The following B3GALT1 variants were observed in gnomAD, a reference collection of about 807,000 sequenced individuals.
The protein encoded by B3GALT1 is UDP-Gal:betaGlcNAc beta 1,3-galactosyltransferase, polypeptide 1.
A neutral mutation model predicts 23.2 loss-of-function variants in B3GALT1; 10 were observed. That is an observed-to-expected ratio of 0.43 (90% CI 0.27 to 0.73). B3GALT1 has a LOEUF of 0.73. Among genes scored for constraint, B3GALT1 ranks in the 30% least tolerant of loss-of-function variants. B3GALT1 has a pLI of 0.21. For synonymous variants in B3GALT1, 156 were observed against 141.5 expected, an observed-to-expected ratio of 1.10 and a Z score of -0.73; for missense variants, 299 against 405.4, an observed-to-expected ratio of 0.74 and a Z score of 2.25.
chr2:167,601,216 C>A (rs146030365), intron 2 of B3GALT1, among the ~76,000 whole-genome samples: 1 of 152,164 alleles, frequency 6.6e-6, no homozygotes, highest in East Asian at 1.9e-4. Flanking sequence ...CGTGCCACCA[C>A]GCCCAGCTAA....
chr2:167,343,463 G>A (rs1234630539), intron 1 of B3GALT1, among the ~76,000 whole-genome samples: 2 of 152,094 alleles, frequency 1.3e-5, no homozygotes, highest in Non-Finnish European at 2.9e-5. Context: ...AAACAAACAT[G>A]GACTCATTTT....
chr2:167,660,162 G>A (rs895510269), intron 3 of B3GALT1, among the ~76,000 whole-genome samples: 30 of 152,148 alleles, frequency 2.0e-4, no homozygotes, highest in Admixed American at 1.7e-3. Flanking sequence ...TTAGGAAGTG[G>A]ATTTTATCAC....
chr2:167,520,339 T>C (rs144900001), intron 2 of B3GALT1, among the ~76,000 whole-genome samples: 72 of 152,170 alleles, frequency 4.7e-4, no homozygotes, highest in African/African-American at 1.7e-3. Context: ...ACAAAAAGAA[T>C]TCAGAAGAAG....
At chr2:167,469,606 C>T (rs889291375) in intron 1 of B3GALT1, among the ~76,000 whole-genome samples, 1 of 152,128 alleles carries the variant, frequency 6.6e-6, no homozygotes, top group Non-Finnish European at 1.5e-5. Context: ...TCTTAAATCA[C>T]TAGTAATAGT....
intron 2 of B3GALT1, among the ~76,000 whole-genome samples, chr2:167,559,102 T>G (rs1020044313): frequency 2.0e-5 from 3 of 152,152 alleles, no homozygotes; most frequent in African/African-American, 4.8e-5. Context: ...GGTACTCCTC[T>G]GAGACAAAAC....
chr2:167,294,323 C>T (rs1369894009), intron 1 of B3GALT1, among the ~76,000 whole-genome samples: 2 of 152,258 alleles, frequency 1.3e-5, no homozygotes, highest in African/African-American at 2.4e-5. Context: ...GACACGTTAA[C>T]CACGCAGAGT....
At chr2:167,494,901 C>G (rs1377657370) in intron 2 of B3GALT1, among the ~76,000 whole-genome samples, 2 of 152,016 alleles carry the variant, frequency 1.3e-5, no homozygotes, top group Non-Finnish European at 2.9e-5. Flanking sequence ...GACTTGGGGC[C>G]CTGGTATCTG....
chr2:167,474,464 C>G (rs923941134), intron 1 of B3GALT1, among the ~76,000 whole-genome samples: 3 of 152,114 alleles, frequency 2.0e-5, no homozygotes, highest in African/African-American at 4.8e-5. Context: ...TGTATTGTCT[C>G]TGGTCTGTAT....
rs548691020 is a variant in B3GALT1, at chr2:167,364,358, T to A, written c.-511+71024T>A. ...TATATAGTTTTTTTTTTCATTTTTT[T>A]ATTATACTTTAAGTTCTAGGGTACA... On this transcript the variant is annotated intron_variant, in intron 1 of 4. Coordinates refer to ENST00000392690, the MANE Select transcript of B3GALT1 (RefSeq NM_020981.4). Among the ~76,000 whole-genome samples, 20 of 151,702 alleles carry A rather than the reference T, an allele frequency of 1.3e-4. No individual in the cohort carries two copies. In the East Asian group the frequency reaches 2.5e-3, roughly 19 times the overall value.
intron 2 of B3GALT1, among the ~76,000 whole-genome samples, chr2:167,554,032 C>T (rs181072703): frequency 0.028 from 4,288 of 152,180 alleles, 110 homozygotes; most frequent in Non-Finnish European, 0.047. Context: ...TGGGGATCTG[C>T]GTTTATTAGG....
chr2:167,399,656 A>G (rs1040884991), intron 1 of B3GALT1, among the ~76,000 whole-genome samples: 3 of 151,990 alleles, frequency 2.0e-5, no homozygotes, highest in Non-Finnish European at 4.4e-5. Context: ...TTTTTCAATT[A>G]TATAGCAAAT....
intron 3 of B3GALT1, among the ~76,000 whole-genome samples, chr2:167,754,605 A>C (rs1035700652): frequency 6.6e-6 from 1 of 152,214 alleles, no homozygotes; most frequent in Non-Finnish European, 1.5e-5. Flanking sequence ...TCTGGTTTAG[A>C]GTACCAAAAG....
At chr2:167,577,193 C>G (rs1684402123) in intron 2 of B3GALT1, among the ~76,000 whole-genome samples, 1 of 151,780 alleles carries the variant, frequency 6.6e-6, no homozygotes, top group South Asian at 2.1e-4. Context: ...ATCCCCTTCT[C>G]TGTCTTCATG....
intron 1 of B3GALT1, among the ~76,000 whole-genome samples, chr2:167,362,214 T>C (rs1697510645): frequency 1.3e-5 from 2 of 152,190 alleles, no homozygotes; most frequent in African/African-American, 2.4e-5. Flanking sequence ...ACTACTGTTT[T>C]TCCACTTTTG....
intron 1 of B3GALT1, among the ~76,000 whole-genome samples, chr2:167,471,817 T>C: frequency 6.6e-6 from 1 of 152,170 alleles, no homozygotes; most frequent in Non-Finnish European, 1.5e-5. Context: ...TTAGTCACCA[T>C]AATACTATGG....
chr2:167,532,393 A>G (rs1158059296), intron 2 of B3GALT1, among the ~76,000 whole-genome samples: 3 of 152,234 alleles, frequency 2.0e-5, no homozygotes, highest in Non-Finnish European at 4.4e-5. Context: ...TAAATAAAAT[A>G]TCAAGAATTA....
chr2:167,468,673 A>T (rs1310931799), intron 1 of B3GALT1, among the ~76,000 whole-genome samples: 1 of 152,150 alleles, frequency 6.6e-6, no homozygotes, highest in Non-Finnish European at 1.5e-5. Flanking sequence ...GGCGTTCAAG[A>T]CCAGCCTGAC....
intron 3 of B3GALT1, among the ~76,000 whole-genome samples, chr2:167,795,079 T>C (rs759588684): frequency 3.3e-5 from 5 of 152,154 alleles, no homozygotes; most frequent in Non-Finnish European, 7.4e-5. Flanking sequence ...TACTAGGTAG[T>C]CTCAGTGAGT....
At chr2:167,793,761 G>A (rs892380955) in intron 3 of B3GALT1, among the ~76,000 whole-genome samples, 1 of 152,162 alleles carries the variant, frequency 6.6e-6, no homozygotes, top group African/African-American at 2.4e-5. Context: ...TGCGTGGATG[G>A]CATCTAGTCC....
Sources: allele counts gnomAD v4.1 joint callset (sites outside exome capture counted in the v4.1 genomes callset), GRCh38; gene constraint gnomAD v4.1.1; transcripts MANE v1.5; gene names NCBI Gene and HGNC (gene_info 2026-07-23, HGNC 2026-07-21).